The following SHCBP1 variants were observed in gnomAD, a reference collection of about 807,000 sequenced individuals.
SHCBP1 encodes SHC SH2 domain-binding protein 1.
Under a neutral mutation model 75.1 loss-of-function variants are expected in SHCBP1, and 60 were observed. That is an observed-to-expected ratio of 0.80 (90% CI 0.65 to 0.99). SHCBP1 has a LOEUF of 0.99. Ranked by LOEUF, SHCBP1 falls within the 50% of genes least tolerant of loss-of-function variation. The pLI, the probability that SHCBP1 is intolerant of heterozygous loss-of-function variation, is 0.00. For missense variants in SHCBP1, 709 were observed against 809.4 expected, an observed-to-expected ratio of 0.88 and a Z score of 1.50; for synonymous variants, 290 against 293.2, an observed-to-expected ratio of 0.99 and a Z score of 0.11.
At chr16:46,589,735 G>A (rs1037612656) in intron 10 of SHCBP1, among the ~76,000 whole-genome samples, 4 of 152,110 alleles carry the variant, frequency 2.6e-5, no homozygotes, top group African/African-American at 9.7e-5. Flanking sequence ...CATGAAAATG[G>A]CCATACTGCC....
Position 46,608,396 on chromosome 16 carries a change from T to A in SHCBP1, c.597-7A>T, listed in dbSNP as rs1965356540. On this transcript the variant is annotated splice_polypyrimidine_tract_variant and splice_region_variant and intron_variant, in intron 4 of 12. Coordinates refer to ENST00000303383, the MANE Select transcript of SHCBP1 (RefSeq NM_024745.5). ...AATGTTTTGGTAGAAAAATCTGAAA[T>A]GGAACTTAGTATCATTCAAATTCTA... The A allele has an allele frequency of 4.4e-6, 7 of 1,591,376 alleles. No individual in the cohort carries two copies. Among genetic ancestry groups the A allele is most frequent in the Non-Finnish European group, 5.2e-6 (6 of 1,159,968 alleles).
chr16:46,616,020 G>C lies in SHCBP1; in HGVS notation c.522C>G (p.Pro174=). 1.2e-6 allele frequency: 2 copies of C among 1,614,082 alleles called. No individual in the cohort carries two copies. Among genetic ancestry groups the C allele is most frequent in the Non-Finnish European group, 1.7e-6 (2 of 1,180,026 alleles). ...CAAACACCACCCACAGCTCCTGCAGGGGCAACCGATGCTCCTTCAGATCAA... is the reference window on the plus strand; with the variant it reads ...CAAACACCACCCACAGCTCCTGCAGCGGCAACCGATGCTCCTTCAGATCAA... ...ELLDLKEHRL[P]LQELWVVFDD... is the part of the protein sequence containing the mutation. Residue 174 remains proline (P), a synonymous_variant, in exon 4 of 13, where the codon CCC becomes CCG. Coordinates refer to ENST00000303383, the MANE Select transcript of SHCBP1 (RefSeq NM_024745.5). The surrounding 1 kb of genome is among the most constrained non-coding windows in gnomAD (Gnocchi z 4.4).
chr16:46,581,866 T>A lies in SHCBP1; in HGVS notation c.1882A>T (p.Ile628Leu). The change falls in exon 13 of 13, where the codon ATA becomes TTA. Residue 628 changes from isoleucine (I) to leucine (L), a missense_variant. Transcript: ENST00000303383. ...AGTTCACTCAACCTTTTCTTCTTTATCTGGCCTTTCTGTGTGGAGGCAGCA... is the reference window on the plus strand; with the variant it reads ...AGTTCACTCAACCTTTTCTTCTTTAACTGGCCTTTCTGTGTGGAGGCAGCA... ...LIAASTQKGQ[I>L]KKKRLSELGI... 1 of 1,614,206 alleles carries A rather than the reference T, an allele frequency of 6.2e-7. No homozygotes were observed. The highest frequency in any genetic ancestry group is 8.5e-7 in the Non-Finnish European group (1 of 1,180,042).
intron 5 of SHCBP1, 21 bp downstream of exon 5, chr16:46,608,276 A>G: frequency 6.4e-7 from 1 of 1,564,588 alleles, no homozygotes; most frequent in South Asian, 1.1e-5. Flanking sequence ...ATGTACAACA[A>G]GGTCAGCAAT....
chr16:46,618,398 A>C, intron 1 of SHCBP1, 26 bp from the exon 2 acceptor site: 1 of 1,562,852 alleles, frequency 6.4e-7, no homozygotes, highest in Non-Finnish European at 8.6e-7. Context: ...AAAAATAAGC[A>C]AGCTCCAGTG....
Position 46,599,942 on chromosome 16 carries a change from T to C in SHCBP1, c.1234A>G (p.Ile412Val). ...ELEGYGLPDD[I>V]VIEKRGKGDT... ...CCTTTGCCCCTCTTTTCTATCACAA[T>C]GTCATCTGGTAGGCCATATCCTAAG... is the stretch of plus-strand genomic sequence containing the variant. The change falls in exon 9 of 13, where the codon ATT (isoleucine) becomes GTT (valine). Residue 412 changes from isoleucine (I) to valine (V), a missense_variant. Coordinates refer to ENST00000303383, the MANE Select transcript of SHCBP1 (RefSeq NM_024745.5). 1 of 1,613,514 alleles carries C rather than the reference T, an allele frequency of 6.2e-7. No individual in the cohort carries two copies. The highest frequency in any genetic ancestry group is 1.1e-5 in the South Asian group (1 of 90,960).
At position 46,581,913 on chromosome 16, in the gene SHCBP1, C is replaced by A. The variant is rs748336053; in HGVS notation, c.1835G>T (p.Cys612Phe). 2 of 1,614,196 alleles carry A rather than the reference C, an allele frequency of 1.2e-6. No individual in the cohort carries two copies. The highest frequency in any genetic ancestry group is 2.7e-5 in the African/African-American group (2 of 75,062). Reference protein sequence around the residue: ...TDPSEQVEGNCEIVNELIAAS... With the variant: ...TDPSEQVEGNFEIVNELIAAS... Reference sequence around the variant, plus strand: ...AGCAATTAGTTCATTTACAATTTCACAATTTCCCTCGACTTGCTCAGAAGG... The same window carrying A: ...AGCAATTAGTTCATTTACAATTTCAAAATTTCCCTCGACTTGCTCAGAAGG... Residue 612 changes from cysteine to phenylalanine, a missense_variant, in exon 13 of 13, where the codon TGT (cysteine) becomes TTT (phenylalanine). Cys to Phe is a radical substitution (Grantham distance 205, BLOSUM62 -2). Coordinates refer to ENST00000303383, the MANE Select transcript of SHCBP1 (RefSeq NM_024745.5).
chr16:46,581,958 T>A lies in SHCBP1; in HGVS notation c.1790A>T (p.Glu597Val). The change falls in exon 13 of 13, where the codon GAG becomes GTG. Residue 597 changes from glutamate (E) to valine (V), a missense_variant. By Grantham distance (121) the Glu-to-Val change is moderately radical. Transcript: ENST00000303383. ...ELIECATGKM[E>V]LCARTDPSEQ... ...AGAAGGGTCAGTTCTTGCACAAAGC[T>A]CCATTTTACCAGTTGCACACTCAAT... is the stretch of plus-strand genomic sequence containing the variant. The A allele has an allele frequency of 6.2e-7, 1 of 1,614,188 alleles. No homozygotes were observed. The highest frequency in any genetic ancestry group is 8.5e-7 in the Non-Finnish European group (1 of 1,180,030).
intron 4 of SHCBP1, among the ~76,000 whole-genome samples, chr16:46,609,624 G>A (rs1310701784): frequency 6.6e-6 from 1 of 150,540 alleles, no homozygotes; most frequent in African/African-American, 2.4e-5. Flanking sequence ...GCTTATTTTT[G>A]TACTTTTAGT....
chr16:46,604,678 T>C (rs1446210892), intron 5 of SHCBP1, among the ~76,000 whole-genome samples: 1 of 152,240 alleles, frequency 6.6e-6, no homozygotes, highest in African/African-American at 2.4e-5. Flanking sequence ...CTAATTTTTC[T>C]GCTCTTGAGG....
chr16:46,591,515 A>T (rs552971467), intron 10 of SHCBP1, among the ~76,000 whole-genome samples: 37 of 152,266 alleles, frequency 2.4e-4, no homozygotes, highest in African/African-American at 7.9e-4. Context: ...AAATATGTGA[A>T]GCAAAAACTA....
At chr16:46,583,052 A>C (rs1219157047) in intron 12 of SHCBP1, among the ~76,000 whole-genome samples, 1 of 152,154 alleles carries the variant, frequency 6.6e-6, no homozygotes, top group Non-Finnish European at 1.5e-5. Flanking sequence ...CAATAAAAAC[A>C]GAGGTAAACT....
At chr16:46,614,967 T>A (rs1965472339) in intron 4 of SHCBP1, among the ~76,000 whole-genome samples, 1 of 152,210 alleles carries the variant, frequency 6.6e-6, no homozygotes, top group Non-Finnish European at 1.5e-5. Context: ...ACTGATAATT[T>A]ACACTGAGTG....
At chr16:46,583,315 A>G (rs1964900776) in intron 12 of SHCBP1, among the ~76,000 whole-genome samples, 1 of 152,230 alleles carries the variant, frequency 6.6e-6, no homozygotes, top group Non-Finnish European at 1.5e-5. Context: ...ATTTTGAATG[A>G]CAGTTGAACT....
rs1235546308 is a variant in SHCBP1, at chr16:46,580,537, G to C, written c.*1192C>G. 2.6e-5 allele frequency: 4 copies of C among 152,058 alleles called. No individual in the cohort carries two copies. The highest frequency in any genetic ancestry group is 9.7e-5 in the African/African-American group (4 of 41,396). The allele number at this position is 152,058 out of a possible 1,614,324, so 9.4% of individuals were successfully genotyped here. ...CTATGGCCCACAGTGAGTTTGAAAA[G>C]ATATAACAAGATTCAATTTTGTTAT... On this transcript the variant is annotated 3_prime_UTR_variant, in exon 13 of 13. Coordinates refer to ENST00000303383, the MANE Select transcript of SHCBP1 (RefSeq NM_024745.5).
chr16:46,605,088 GA>G (rs1408601098), intron 5 of SHCBP1, among the ~76,000 whole-genome samples: 2 of 152,024 alleles, frequency 1.3e-5, no homozygotes, highest in Non-Finnish European at 2.9e-5. Context: ...TTGAGATTCC[GA>G]GGGGGAAAAA....
rs1378398042 is a variant in SHCBP1 at position 46,583,638 on chromosome 16, T to C, written c.1571A>G (p.Tyr524Cys). ...ILIKDFLDEH[Y>C]DIPKISMVNN... is the part of the protein sequence containing the mutation. Reference sequence around the variant, plus strand: ...CACCATGGATATCTTGGGAATGTCATAATGTTCATCTAAGAAGTCCTGTGA... The same window carrying C: ...CACCATGGATATCTTGGGAATGTCACAATGTTCATCTAAGAAGTCCTGTGA... Residue 524 changes from tyrosine to cysteine, a missense_variant, in exon 12 of 13, where the codon TAT becomes TGT. Physicochemically the swap from Tyr to Cys is radical, Grantham distance 194. Transcript: ENST00000303383. 6.2e-7 allele frequency: 1 copy of C among 1,605,552 alleles called. No homozygotes were observed.
At chr16:46,583,735 T>G (rs118189566) in intron 11 of SHCBP1, 78 bp from the exon 12 acceptor site, 1 of 1,499,846 alleles carries the variant, frequency 6.7e-7, no homozygotes, top group South Asian at 1.2e-5. Context: ...TTATTCACAC[T>G]ATTCTAAAAA....
intron 4 of SHCBP1, among the ~76,000 whole-genome samples, chr16:46,613,959 A>G (rs1449669398): frequency 6.6e-6 from 1 of 152,216 alleles, no homozygotes; most frequent in Non-Finnish European, 1.5e-5. Context: ...TAATACTACC[A>G]AATAACATTC....
Sources: allele counts gnomAD v4.1 joint callset (sites outside exome capture counted in the v4.1 genomes callset), GRCh38; gene constraint gnomAD v4.1.1; non-coding constraint Gnocchi (gnomAD v3.1); transcripts MANE v1.5; gene names NCBI Gene and HGNC (gene_info 2026-07-23, HGNC 2026-07-21).